The following BCAS3 variants were observed in gnomAD, a reference collection of about 807,000 sequenced individuals.
BCAS3 encodes BCAS3 microtubule associated cell migration factor.
BCAS3 carries 53 observed loss-of-function variants against 116.1 expected under a neutral mutation model. The observed-to-expected ratio is 0.46, with a 90% confidence interval of 0.37 to 0.57. The LOEUF is 0.57. BCAS3 is among the 20% of genes least tolerant of loss of function. The probability of loss-of-function intolerance (pLI) is 0.00; values close to 1 mark genes in which losing one functional copy is unlikely to be tolerated. For synonymous variants in BCAS3, 391 were observed against 408.2 expected (o/e 0.96, Z 0.51); for missense variants, 917 against 1,165.4 (o/e 0.79, Z 3.10).
At chr17:60,694,240 T>A (rs575649624) in intron 4 of BCAS3, among the ~76,000 whole-genome samples, 1 of 148,806 alleles carries the variant, frequency 6.7e-6, no homozygotes, top group East Asian at 2.0e-4. Context: ...TGGTGGCTCA[T>A]GCTTGTAATC....
intron 22 of BCAS3, among the ~76,000 whole-genome samples, chr17:61,331,097 G>A (rs368193400): frequency 9.9e-5 from 15 of 152,266 alleles, no homozygotes; most frequent in South Asian, 2.1e-4. Context: ...CATGTCCTGC[G>A]TTCTGGGAGC....
chr17:61,078,309 A>T, intron 20 of BCAS3, 24 bp from the exon 21 acceptor site: 1 of 1,584,528 alleles, frequency 6.3e-7, no homozygotes. Flanking sequence ...AACCATTTAA[A>T]TCATCATTGC....
intron 10 of BCAS3, among the ~76,000 whole-genome samples, chr17:60,890,128 A>G (rs978671798): frequency 6.6e-6 from 1 of 152,210 alleles, no homozygotes; most frequent in African/African-American, 2.4e-5. Context: ...TTCTGTCTTC[A>G]TTGGTAGATT....
At chr17:61,054,345 C>T (rs2069161271) in intron 19 of BCAS3, among the ~76,000 whole-genome samples, 1 of 152,154 alleles carries the variant, frequency 6.6e-6, no homozygotes, top group African/African-American at 2.4e-5. Flanking sequence ...GCGTGTCGTA[C>T]CACCATCCTG....
chr17:61,212,148 C>T (rs904847757), intron 22 of BCAS3, among the ~76,000 whole-genome samples: 1 of 152,130 alleles, frequency 6.6e-6, no homozygotes, highest in Non-Finnish European at 1.5e-5. Flanking sequence ...ACTTGTTGCT[C>T]CTTAAGGATT....
intron 7 of BCAS3, among the ~76,000 whole-genome samples, chr17:60,828,722 T>C (rs1190620728): frequency 6.6e-6 from 1 of 152,220 alleles, no homozygotes; most frequent in Non-Finnish European, 1.5e-5. Flanking sequence ...AGAACTGCTT[T>C]ATTTGATTTT....
At chr17:60,809,277 A>G (rs1451552781) in intron 7 of BCAS3, among the ~76,000 whole-genome samples, 2 of 151,902 alleles carry the variant, frequency 1.3e-5, no homozygotes, top group Non-Finnish European at 2.9e-5. Flanking sequence ...TCTCAAAAAA[A>G]AAAAAAAAAA....
rs940431045 is a variant in BCAS3, at chr17:60,994,901, C to T, written c.1486+4666C>T. ...TTATTCATTGACATGTCTGGGCTTCCTATTAGATTGACTTCTGTGAGCACA... is the reference window on the plus strand; with the variant it reads ...TTATTCATTGACATGTCTGGGCTTCTTATTAGATTGACTTCTGTGAGCACA... On this transcript the variant is annotated intron_variant, in intron 15 of 23. Transcript: ENST00000407086. The surrounding 1 kb of genome is among the most constrained non-coding windows in gnomAD (Gnocchi z 4.4). Among the ~76,000 whole-genome samples, 4 of 152,108 alleles carry T rather than the reference C, an allele frequency of 2.6e-5. No individual in the cohort carries two copies. The highest frequency in any genetic ancestry group is 9.7e-5 in the African/African-American group (4 of 41,434).
rs11311858 is a variant in BCAS3, at chr17:61,198,132, G to GTTTT, written c.2425+113577_2425+113580dup. Among the ~76,000 whole-genome samples the GTTTT allele has an allele frequency of 7.0e-6, 1 of 143,650 alleles. No individual in the cohort carries two copies. The allele number at this position is 143,650 out of a possible 152,430, so 94.2% of individuals were successfully genotyped here. On this transcript the variant is annotated intron_variant, in intron 22 of 23. Coordinates refer to ENST00000407086, the MANE Select transcript of BCAS3 (RefSeq NM_017679.5). This position sits in a 1 kb window ranked among gnomAD's most constrained non-coding sequence, Gnocchi z 5.0. ...GCGATTAAGATAAAGTGCAAGATAT[G>GTTTT]TTTTTTTTTTTTCTTTTTTTTTTTT...
At chr17:61,117,976 T>C (rs1302359919) in intron 22 of BCAS3, among the ~76,000 whole-genome samples, 1 of 152,244 alleles carries the variant, frequency 6.6e-6, no homozygotes, top group Non-Finnish European at 1.5e-5. Flanking sequence ...TGAAAGTCTT[T>C]GTCAGATAAT....
At chr17:60,736,659 A>G (rs2040999279) in intron 5 of BCAS3, among the ~76,000 whole-genome samples, 1 of 152,026 alleles carries the variant, frequency 6.6e-6, no homozygotes, top group African/African-American at 2.4e-5. Context: ...GGTGCTTTCT[A>G]TTTTGGAAGG....
At chr17:60,811,116 G>A (rs990466558) in intron 7 of BCAS3, 5 of 631,636 alleles carry the variant, frequency 7.9e-6, no homozygotes, top group Non-Finnish European at 1.5e-5. Context: ...GAAATCTGAA[G>A]GCCAGCTTGC....
chr17:60,806,448 A>C (rs947747601), intron 6 of BCAS3, among the ~76,000 whole-genome samples: 6 of 152,176 alleles, frequency 3.9e-5, no homozygotes, highest in African/African-American at 1.2e-4. Context: ...CAATATGCCA[A>C]AGAGGCATAT....
intron 22 of BCAS3, among the ~76,000 whole-genome samples, chr17:61,209,343 A>T (rs1432486990): frequency 6.6e-6 from 1 of 152,220 alleles, no homozygotes; most frequent in Non-Finnish European, 1.5e-5. Context: ...TCTTGGTTAC[A>T]GTGATTATTT....
Position 61,013,545 on chromosome 17 carries a change from T to C in BCAS3, c.1487-2206T>C, listed in dbSNP as rs1478759347. Among the ~76,000 whole-genome samples the C allele has an allele frequency of 6.6e-6, 1 of 152,086 alleles. No homozygotes were observed. The highest frequency in any genetic ancestry group is 1.5e-5 in the Non-Finnish European group (1 of 67,964). On this transcript the variant is annotated intron_variant, in intron 15 of 23. Transcript: ENST00000407086. This position sits in a 1 kb window ranked among gnomAD's most constrained non-coding sequence, Gnocchi z 4.4. ...ATATAATATTTTAATGTGATTTCCC[T>C]CTTCATATTTTCTACAAGGTTCTGT...
intron 22 of BCAS3, among the ~76,000 whole-genome samples, chr17:61,115,846 G>A (rs996921563): frequency 6.6e-6 from 1 of 151,330 alleles, no homozygotes; most frequent in Non-Finnish European, 1.5e-5. Flanking sequence ...CAACCCAAAT[G>A]TCCAACAATG....
At chr17:61,301,898 C>T (rs1422104677) in intron 22 of BCAS3, among the ~76,000 whole-genome samples, 1 of 152,120 alleles carries the variant, frequency 6.6e-6, no homozygotes, top group Non-Finnish European at 1.5e-5. Context: ...ACTTTCTTTA[C>T]AGTGTAAAGA....
intron 4 of BCAS3, among the ~76,000 whole-genome samples, chr17:60,701,817 A>G (rs78718337): frequency 2.3e-4 from 34 of 149,234 alleles, no homozygotes; most frequent in African/African-American, 8.3e-4. Context: ...AAAAAAAAAA[A>G]AAAAGAAAAA....
intron 19 of BCAS3, among the ~76,000 whole-genome samples, chr17:61,045,107 A>C (rs2067923808): frequency 6.6e-6 from 1 of 152,042 alleles, no homozygotes; most frequent in African/African-American, 2.4e-5. Flanking sequence ...TTTGAGCATT[A>C]TTATTATAAG....
Sources: allele counts gnomAD v4.1 joint callset (sites outside exome capture counted in the v4.1 genomes callset), GRCh38; gene constraint gnomAD v4.1.1; non-coding constraint Gnocchi (gnomAD v3.1); transcripts MANE v1.5; gene names NCBI Gene and HGNC (gene_info 2026-07-23, HGNC 2026-07-21).